COL6A5: variants seen among roughly 807,000 people sequenced by gnomAD.
COL6A5 encodes collagen alpha-5(VI) chain.
A neutral mutation model predicts 65.6 loss-of-function variants in COL6A5; 48 were observed. That is an observed-to-expected ratio of 0.73 (90% CI 0.58 to 0.93). The LOEUF (loss-of-function observed/expected upper bound fraction) is 0.93, where lower values mean the gene tolerates loss of function less well. COL6A5 is among the 40% of genes least tolerant of loss of function. COL6A5 has a pLI of 0.00. For missense variants in COL6A5, 914 were observed against 928.3 expected, an observed-to-expected ratio of 0.98 and a Z score of 0.20; for synonymous variants, 291 against 322.8, an observed-to-expected ratio of 0.90 and a Z score of 1.05.
intron 11 of COL6A5, 95 bp downstream of exon 11, chr3:130,401,268 C>G: frequency 1.8e-6 from 2 of 1,099,106 alleles, no homozygotes; most frequent in South Asian, 3.4e-5. Flanking sequence ...TTTGTTTACC[C>G]CCACTAAATT....
At chr3:130,451,240 A>G (rs1426696474) in intron 4 of COL6A5, among the ~76,000 whole-genome samples, 4 of 152,152 alleles carry the variant, frequency 2.6e-5, no homozygotes, top group Admixed American at 6.6e-5. Flanking sequence ...GTTTTGGCGT[A>G]ATAAGTGTTG....
At position 130,347,839 on chromosome 3, in the gene COL6A5, T is replaced by G. The variant is rs569096283; in HGVS notation, c.-29+1858T>G. On this transcript the variant is annotated intron_variant and NMD_transcript_variant, in intron 1 of 41. Transcript: ENST00000312481. Reference sequence around the variant, plus strand: ...CCTGTCAATCTTGTAGGATCTCAGATCCAGTACACACTGAGCAAGTGGAAA... The same window carrying G: ...CCTGTCAATCTTGTAGGATCTCAGAGCCAGTACACACTGAGCAAGTGGAAA... 3.3e-5 allele frequency among the ~76,000 whole-genome samples: 5 copies of G among 152,274 alleles called. No individual in the cohort carries two copies. In the East Asian group the frequency reaches 9.7e-4, roughly 29 times the overall value.
rs112331669 is a variant in COL6A5, at chr3:130,418,798, G to C, written c.4888-71G>C. 1,023 of 1,242,238 alleles carry C rather than the reference G, an allele frequency of 8.2e-4. 7 individuals are homozygous for C. In the African/African-American group the frequency reaches 0.014, roughly 17 times the overall value. 77.0% of individuals were successfully genotyped at this position (1,242,238 alleles called of 1,614,324 possible). On this transcript the variant is annotated intron_variant and NMD_transcript_variant, in intron 24 of 41. Coordinates refer to the COL6A5 transcript ENST00000312481. ...GAACCTTGAGTCTCCTCATCGAGTG[G>C]ACAGAACTTACCGTGGTAGGAACCA... is the stretch of plus-strand genomic sequence containing the variant.
Position 130,376,563 on chromosome 3 carries a change from A to G in COL6A5, c.394A>G (p.Lys132Glu), listed in dbSNP as rs1471693865. Residue 132 changes from lysine (K) to glutamate (E), a missense_variant and NMD_transcript_variant, in exon 3 of 42, where the codon AAA (lysine) becomes GAA (glutamate). Physicochemically the swap from Lys to Glu is moderately conservative, Grantham distance 56. Transcript: ENST00000312481. ...TGCACCCATAAATGGGAGAGACAGG[A>G]AACAGTTTCCCCCAATTTTGGTGGT... is the stretch of plus-strand genomic sequence containing the variant. The G allele has an allele frequency of 4.4e-6, 7 of 1,605,752 alleles. No individual in the cohort carries two copies. The South Asian group carries it at 7.8e-5, about 18-fold the overall frequency.
chr3:130,467,295 C>T (rs911278781), intron 5 of COL6A5, among the ~76,000 whole-genome samples: 11 of 151,744 alleles, frequency 7.2e-5, no homozygotes, highest in Admixed American at 1.3e-4. Flanking sequence ...TTAATGGGCA[C>T]AAAATACTTA....
chr3:130,456,830 T>A (rs1709585293), intron 5 of COL6A5, among the ~76,000 whole-genome samples: 1 of 152,086 alleles, frequency 6.6e-6, no homozygotes, highest in Admixed American at 6.6e-5. Context: ...GGATAAAATT[T>A]TTTTTCTTGG....
At chr3:130,458,553 A>T (rs1347326061) in intron 5 of COL6A5, among the ~76,000 whole-genome samples, 1 of 152,130 alleles carries the variant, frequency 6.6e-6, no homozygotes, top group Non-Finnish European at 1.5e-5. Context: ...GGTGATTCTG[A>T]TGTAGGCAGA....
intron 7 of COL6A5, chr3:130,476,979 T>C: frequency 2.2e-6 from 2 of 891,350 alleles, no homozygotes; most frequent in Non-Finnish European, 3.6e-6. Context: ...GTCTTTTTCT[T>C]GCACTCATGA....
chr3:130,443,492 C>T (rs1156702516), exon 4 of COL6A5: 1 of 1,609,274 alleles, frequency 6.2e-7, no homozygotes, highest in Non-Finnish European at 8.5e-7. Flanking sequence ...TCAATCAGTA[C>T]CCACCACCGA....
intron 1 of COL6A5, among the ~76,000 whole-genome samples, chr3:130,364,311 C>T (rs963071308): frequency 3.3e-5 from 5 of 152,146 alleles, no homozygotes; most frequent in Non-Finnish European, 5.9e-5. Flanking sequence ...TCTGCATATC[C>T]ATTTCTGCAT....
chr3:130,417,788 A>T (rs535157595), intron 24 of COL6A5, among the ~76,000 whole-genome samples: 1 of 152,230 alleles, frequency 6.6e-6, no homozygotes, highest in African/African-American at 2.4e-5. Flanking sequence ...CCCCCTGATG[A>T]GTTTAATGCT....
chr3:130,426,844 T>C (rs1937615191), upstream of COL6A5, among the ~76,000 whole-genome samples: 1 of 151,782 alleles, frequency 6.6e-6, no homozygotes, highest in Admixed American at 6.6e-5. Context: ...TGGCAAAAAA[T>C]AGTTTCAGAA....
chr3:130,467,043 C>T (rs1186711323), intron 5 of COL6A5, among the ~76,000 whole-genome samples: 2 of 151,906 alleles, frequency 1.3e-5, no homozygotes, highest in Non-Finnish European at 2.9e-5. Flanking sequence ...ACCAATTCTA[C>T]AAAAACTCTT....
intron 27 of COL6A5, among the ~76,000 whole-genome samples, chr3:130,422,453 T>C (rs559609415): frequency 1.3e-5 from 2 of 152,128 alleles, no homozygotes; most frequent in East Asian, 3.9e-4. Context: ...AGCATTTTCT[T>C]TGGATATTCG....
intron 19 of COL6A5, 137 bp from the exon 20 acceptor site, chr3:130,410,334 T>A (rs1937134130): frequency 1.5e-6 from 1 of 687,046 alleles, no homozygotes; most frequent in Non-Finnish European, 2.5e-6. Context: ...GGCATATAAC[T>A]GTTAATATGC....
chr3:130,442,167 T>G (rs1709197473), intron 3 of COL6A5, among the ~76,000 whole-genome samples: 2 of 152,208 alleles, frequency 1.3e-5, no homozygotes, highest in Admixed American at 1.3e-4. Flanking sequence ...TCCAATTAAA[T>G]TTTGATACCA....
exon 11 of COL6A5, chr3:130,401,138 A>C (rs1559881131): frequency 6.5e-7 from 1 of 1,547,960 alleles, no homozygotes; most frequent in African/African-American, 1.4e-5. Context: ...GACTATTGGA[A>C]TGAGAGAACT....
chr3:130,452,530 G>T (rs972633113), intron 4 of COL6A5, among the ~76,000 whole-genome samples: 1 of 152,158 alleles, frequency 6.6e-6, no homozygotes, highest in East Asian at 1.9e-4. Flanking sequence ...ATTTTCAAAA[G>T]GGGAGGGAGT....
rs906509187 is a variant in COL6A5, at chr3:130,384,936, A to G, written c.1433A>G (p.Lys478Arg). ...GAAATGTTTAGCATTGGCCCAGACA[A>G]AGTCCGAGTTGGAGTTGTGCAGTAT... The change falls in exon 5 of 42, where the codon AAA becomes AGA. Residue 478 changes from lysine to arginine, a missense_variant and NMD_transcript_variant. Coordinates refer to the COL6A5 transcript ENST00000312481. 48 of 1,550,890 alleles carry G rather than the reference A, an allele frequency of 3.1e-5. No homozygotes were observed. The Middle Eastern group carries it at 5.0e-4, about 16-fold the overall frequency.
Sources: allele counts gnomAD v4.1 joint callset (sites outside exome capture counted in the v4.1 genomes callset), GRCh38; gene constraint gnomAD v4.1.1; transcripts MANE v1.5; gene names NCBI Gene and HGNC (gene_info 2026-07-23, HGNC 2026-07-21).